SCHIP1: variants seen among roughly 807,000 people sequenced by gnomAD.
SCHIP1 encodes the protein schwannomin-interacting protein 1.
In SCHIP1, 8 loss-of-function variants were observed where a neutral mutation model predicts 29.7. The observed-to-expected ratio is 0.27, with a 90% CI of 0.16 to 0.49. The LOEUF (loss-of-function observed/expected upper bound fraction) is 0.49. Ranked by LOEUF, SCHIP1 falls within the 20% of genes least tolerant of loss-of-function variation. SCHIP1 has a pLI of 0.99. For synonymous variants in SCHIP1, 76 were observed against 94.9 expected, an observed-to-expected ratio of 0.80 and a Z score of 1.16; for missense variants, 193 against 294.6, an observed-to-expected ratio of 0.66 and a Z score of 2.52.
intron 1 of SCHIP1, among the ~76,000 whole-genome samples, chr3:159,848,410 C>T (rs949244353): frequency 5.3e-5 from 8 of 152,194 alleles, no homozygotes; most frequent in Non-Finnish European, 8.8e-5. Flanking sequence ...TACTGGCAAA[C>T]CATCAGGCAT....
chr3:159,790,520 A>T, the SCHIP1 span, among the ~76,000 whole-genome samples: 6 of 152,276 alleles, frequency 3.9e-5, no homozygotes, highest in African/African-American at 1.4e-4. Flanking sequence ...CCCCATCTCT[A>T]CTAAAAATAC....
chr3:159,610,719 T>G, the SCHIP1 span, among the ~76,000 whole-genome samples: 1 of 152,008 alleles, frequency 6.6e-6, no homozygotes, highest in South Asian at 2.1e-4. Context: ...GGACCAGAGG[T>G]CTGGTATAGA....
chr3:159,897,001 G>GT (rs758182365), exon 7 of SCHIP1: 27 of 368,576 alleles, frequency 7.3e-5, no homozygotes, highest in Non-Finnish European at 1.1e-4. Context: ...AAAATGTACA[G>GT]TACTGACACC....
the SCHIP1 span, among the ~76,000 whole-genome samples, chr3:159,335,047 G>A: frequency 6.6e-6 from 1 of 151,822 alleles, no homozygotes; most frequent in Non-Finnish European, 1.5e-5. Flanking sequence ...TTACAGGTGT[G>A]TGCCACCACA....
chr3:159,885,090 A>G (rs1716834289), intron 2 of SCHIP1, among the ~76,000 whole-genome samples: 1 of 152,222 alleles, frequency 6.6e-6, no homozygotes, highest in Non-Finnish European at 1.5e-5. Flanking sequence ...ACTTTAAATG[A>G]GTGATCTGAT....
chr3:159,660,133 G>A, the SCHIP1 span, among the ~76,000 whole-genome samples: 1 of 152,160 alleles, frequency 6.6e-6, no homozygotes, highest in African/African-American at 2.4e-5. Flanking sequence ...AAATCCTGAA[G>A]GAATGGCCAC....
chr3:159,316,475 C>A, the SCHIP1 span, among the ~76,000 whole-genome samples: 1 of 152,120 alleles, frequency 6.6e-6, no homozygotes, highest in Non-Finnish European at 1.5e-5. Flanking sequence ...CCTTCCCCAG[C>A]CCACTGACTC....
At chr3:159,634,107 G>T in the SCHIP1 span, among the ~76,000 whole-genome samples, 1 of 152,126 alleles carries the variant, frequency 6.6e-6, no homozygotes, top group Non-Finnish European at 1.5e-5. Context: ...AAGGATTTTA[G>T]GGGGTAAATT....
the SCHIP1 span, among the ~76,000 whole-genome samples, chr3:159,526,620 AG>A: frequency 1.3e-5 from 2 of 152,232 alleles, no homozygotes; most frequent in Non-Finnish European, 2.9e-5. Context: ...TTAGAGATGC[AG>A]GCCTAGGTCT....
chr3:159,625,687 G>T, the SCHIP1 span, among the ~76,000 whole-genome samples: 1 of 151,946 alleles, frequency 6.6e-6, no homozygotes, highest in Non-Finnish European at 1.5e-5. Flanking sequence ...CCAGAAAGCT[G>T]GTTTGTCTGC....
At chr3:159,387,139 GA>G in the SCHIP1 span, 2 of 183,126 alleles carry the variant, frequency 1.1e-5, no homozygotes, top group Non-Finnish European at 2.3e-5. Flanking sequence ...TCTGCATGGG[GA>G]AAATGGAGAG....
chr3:159,841,463 C>A (rs556046197), intron 1 of SCHIP1, among the ~76,000 whole-genome samples: 2 of 152,212 alleles, frequency 1.3e-5, no homozygotes, highest in South Asian at 4.1e-4. Flanking sequence ...TAATACAGAA[C>A]TTGAGGGTAG....
At chr3:159,353,621 G>A in the SCHIP1 span, among the ~76,000 whole-genome samples, 2 of 151,966 alleles carry the variant, frequency 1.3e-5, no homozygotes, top group African/African-American at 4.8e-5. Context: ...TAAAAATCGG[G>A]GCTAAAAATA....
the SCHIP1 span, among the ~76,000 whole-genome samples, chr3:159,382,953 T>G: frequency 2.0e-5 from 3 of 150,396 alleles, no homozygotes; most frequent in African/African-American, 7.3e-5. Context: ...TTGATGGGGT[T>G]GTTTGTTTTT....
chr3:159,413,470 G>C, the SCHIP1 span, among the ~76,000 whole-genome samples: 1 of 152,182 alleles, frequency 6.6e-6, no homozygotes, highest in Non-Finnish European at 1.5e-5. Flanking sequence ...CAGAGTTGAA[G>C]ATTTCTACCT....
the SCHIP1 span, among the ~76,000 whole-genome samples, chr3:159,739,383 T>G: frequency 6.6e-6 from 1 of 152,178 alleles, no homozygotes; most frequent in Non-Finnish European, 1.5e-5. Context: ...GAACATTCAA[T>G]AGGAAGCTTT....
At chr3:159,526,349 TG>T in the SCHIP1 span, among the ~76,000 whole-genome samples, 2 of 152,010 alleles carry the variant, frequency 1.3e-5, no homozygotes, top group African/African-American at 4.8e-5. Flanking sequence ...TTTTATTTTT[TG>T]TAGAGACAGG....
At chr3:159,277,373 A>C in the SCHIP1 span, among the ~76,000 whole-genome samples, 8 of 152,192 alleles carry the variant, frequency 5.3e-5, no homozygotes, top group African/African-American at 1.9e-4. Flanking sequence ...CAATTCATAC[A>C]AATTTGCTTA....
chr3:159,626,117 G>T, the SCHIP1 span, among the ~76,000 whole-genome samples: 1,441 of 115,088 alleles, frequency 0.013, 99 homozygotes, highest in African/African-American at 0.07. Flanking sequence ...TAGATAGATA[G>T]ATAGATAGAT....
Sources: gnomAD v4.1 joint callset for allele counts (sites outside exome capture counted in the v4.1 genomes callset) on GRCh38, gnomAD v4.1.1 for gene constraint, MANE v1.5 for transcripts, NCBI Gene and HGNC (gene_info 2026-07-23, HGNC 2026-07-21) for gene names.